The following LPIN1 variants were observed in gnomAD, a reference collection of about 807,000 sequenced individuals.
The protein encoded by LPIN1 is lipin 1.
LPIN1 carries 71 observed loss-of-function variants against 107.5 expected under a neutral mutation model. That is an observed-to-expected ratio of 0.66 (90% CI 0.55 to 0.80). The LOEUF (loss-of-function observed/expected upper bound fraction) is 0.80, where lower values mean the gene tolerates loss of function less well. LPIN1 is among the 30% of genes least tolerant of loss of function. LPIN1 has a pLI of 0.00. For synonymous variants in LPIN1, 445 were observed against 452.6 expected (o/e 0.98, Z 0.21); for missense variants, 1,043 against 1,160.6 (o/e 0.90, Z 1.47).
chr2:11,720,754 T>C (rs934811459), upstream of LPIN1, among the ~76,000 whole-genome samples: 1 of 152,016 alleles, frequency 6.6e-6, no homozygotes, highest in Non-Finnish European at 1.5e-5. Flanking sequence ...ATGCTGGAGC[T>C]GGAGCAGTGT....
At chr2:11,795,576 C>G in intron 14 of LPIN1, 89 bp downstream of exon 14, 2 of 1,156,786 alleles carry the variant, frequency 1.7e-6, no homozygotes, top group Non-Finnish European at 2.6e-6. Context: ...TAGGGTTCAC[C>G]ACACAGTTCC....
At chr2:11,699,259 G>A (rs536827952) in intron 1 of LPIN1, among the ~76,000 whole-genome samples, 3 of 152,288 alleles carry the variant, frequency 2.0e-5, no homozygotes, top group South Asian at 4.1e-4. Context: ...CATGCAAAAT[G>A]TTTGTACTTG....
intron 1 of LPIN1, among the ~76,000 whole-genome samples, chr2:11,685,048 A>G (rs560309771): frequency 5.9e-5 from 9 of 152,222 alleles, no homozygotes; most frequent in African/African-American, 2.2e-4. Flanking sequence ...GTGGAGAAAA[A>G]GAAAATGGGG....
At chr2:11,686,993 CTTTTTTTTTTT>C (rs141927239) in intron 1 of LPIN1, among the ~76,000 whole-genome samples, 1 of 85,088 alleles carries the variant, frequency 1.2e-5, no homozygotes, top group Non-Finnish European at 2.1e-5. Flanking sequence ...GCTTTTGATC[CTTTTTTTTTTT>C]TTTTTTTTTT....
chr2:11,727,487 C>A (rs1664780252), intron 1 of LPIN1, among the ~76,000 whole-genome samples: 1 of 152,152 alleles, frequency 6.6e-6, no homozygotes, highest in South Asian at 2.1e-4. Flanking sequence ...TCTCCAGTGA[C>A]CCTTTTTATT....
At chr2:11,791,372 A>G (rs11679358) in intron 12 of LPIN1, among the ~76,000 whole-genome samples, 15,868 of 152,210 alleles carry the variant, frequency 0.1, 1,016 homozygotes, top group Middle Eastern at 0.16. Context: ...CATTAAACCC[A>G]TTTACCTAAA....
rs544331432 is a variant in LPIN1 at position 11,767,091 on chromosome 2, G to A, written c.193-672G>A. Among the ~76,000 whole-genome samples the A allele has an allele frequency of 1.1e-4, 17 of 152,278 alleles. 1 individual carries two copies. The South Asian group carries it at 1.9e-3, about 17-fold the overall frequency. ...GCAGGTAGGACCAGGATATTGATGT[G>A]GCTAGTTTTAGAAGACAATCTGCCA... On this transcript the variant is annotated intron_variant, in intron 2 of 20. Coordinates refer to ENST00000674199, the MANE Select transcript of LPIN1 (RefSeq NM_001349206.2).
chr2:11,726,482 AT>A (rs1169955257), intron 1 of LPIN1, among the ~76,000 whole-genome samples: 2 of 141,970 alleles, frequency 1.4e-5, no homozygotes, highest in African/African-American at 5.2e-5. Context: ...CCCGCCCCCC[AT>A]CTCTTCTCTG....
chr2:11,763,479 C>T (rs367650766), intron 1 of LPIN1, among the ~76,000 whole-genome samples: 6 of 152,152 alleles, frequency 3.9e-5, no homozygotes, highest in Non-Finnish European at 8.8e-5. Context: ...GCTGCTTGAA[C>T]CCAGAATATC....
rs756001940 is a variant in LPIN1, at chr2:11,779,658, T to A, written c.957+13T>A. ...GCAGGCTGCTAAGGTGAGAGTCTCT[T>A]CAATTCTGCCACGGACCGAAGATTT... On this transcript the variant is annotated intron_variant, in intron 7 of 20. Coordinates refer to ENST00000674199, the MANE Select transcript of LPIN1 (RefSeq NM_001349206.2). 7.4e-6 allele frequency: 12 copies of A among 1,613,792 alleles called. No individual in the cohort carries two copies. Among genetic ancestry groups the A allele is most frequent in the Non-Finnish European group, 6.8e-6 (8 of 1,179,784 alleles).
At chr2:11,687,697 A>G (rs4668738) in intron 1 of LPIN1, among the ~76,000 whole-genome samples, 2,810 of 152,370 alleles carry the variant, frequency 0.018, 179 homozygotes, top group Admixed American at 0.12. Flanking sequence ...AGGGCTGTCC[A>G]TAGACTGCGT....
intron 1 of LPIN1, among the ~76,000 whole-genome samples, chr2:11,731,987 A>T (rs1049459507): frequency 1.3e-5 from 2 of 152,116 alleles, no homozygotes; most frequent in Non-Finnish European, 1.5e-5. Flanking sequence ...CCTTTGTCAG[A>T]TGGGTAGATT....
chr2:11,755,999 G>T (rs1309974312), intron 1 of LPIN1, among the ~76,000 whole-genome samples: 1 of 152,196 alleles, frequency 6.6e-6, no homozygotes, highest in East Asian at 1.9e-4. Context: ...GGGATCACAG[G>T]CATAAGCCAC....
rs888199441 is a variant in LPIN1 at position 11,826,332 on chromosome 2, G to C, written c.*1541G>C. 2.0e-5 allele frequency: 3 copies of C among 152,498 alleles called. No individual in the cohort carries two copies. Among genetic ancestry groups the C allele is most frequent in the African/African-American group, 7.2e-5 (3 of 41,398 alleles). 9.4% of individuals were successfully genotyped at this position (152,498 alleles called of 1,614,324 possible). ...GATGCCTTTGCCAAATGGTTCATGTGGACACACAAAGGCAAACAGATCTGC... is the reference window on the plus strand; with the variant it reads ...GATGCCTTTGCCAAATGGTTCATGTCGACACACAAAGGCAAACAGATCTGC... On this transcript the variant is annotated 3_prime_UTR_variant, in exon 21 of 21. Coordinates refer to ENST00000674199, the MANE Select transcript of LPIN1 (RefSeq NM_001349206.2).
chr2:11,729,985 T>C (rs1665028761), intron 1 of LPIN1, among the ~76,000 whole-genome samples: 1 of 152,162 alleles, frequency 6.6e-6, no homozygotes. Flanking sequence ...TAGAAAATTC[T>C]AGTCTATTAT....
chr2:11,802,900 G>T lies in LPIN1; in HGVS notation c.1887-7G>T. ...CTAATTGGTGATGACATCACTGTGT[G>T]TTCCAGGGTAAAGCATGAATCATCC... On this transcript the variant is annotated splice_polypyrimidine_tract_variant and splice_region_variant and intron_variant, in intron 14 of 20. Transcript: ENST00000674199. The T allele has an allele frequency of 2.5e-6, 4 of 1,612,816 alleles. No individual in the cohort carries two copies. Among genetic ancestry groups the T allele is most frequent in the Non-Finnish European group, 3.4e-6 (4 of 1,180,000 alleles).
At chr2:11,734,157 A>G (rs1665551784) in intron 1 of LPIN1, among the ~76,000 whole-genome samples, 1 of 152,212 alleles carries the variant, frequency 6.6e-6, no homozygotes, top group Admixed American at 6.5e-5. Context: ...GACATTTTGA[A>G]GCTACTGTTA....
At chr2:11,726,406 G>A (rs529242592) in intron 1 of LPIN1, among the ~76,000 whole-genome samples, 1 of 152,176 alleles carries the variant, frequency 6.6e-6, no homozygotes, top group East Asian at 1.9e-4. Context: ...AACACGTTTT[G>A]AACTTTCCCA....
At chr2:11,783,804 T>A in intron 8 of LPIN1, 25 bp from the exon 9 acceptor site, 1 of 1,597,802 alleles carries the variant, frequency 6.3e-7, no homozygotes, top group South Asian at 1.1e-5. Flanking sequence ...AGTGGTTTTC[T>A]GACTTGAGCC....
Sources: allele counts gnomAD v4.1 joint callset (sites outside exome capture counted in the v4.1 genomes callset), GRCh38; gene constraint gnomAD v4.1.1; transcripts MANE v1.5; gene names NCBI Gene and HGNC (gene_info 2026-07-23, HGNC 2026-07-21).